ADGRL3: variants seen among roughly 807,000 people sequenced by gnomAD.
ADGRL3 encodes the protein calcium-independent alpha-latrotoxin receptor 3.
Under a neutral mutation model 153.5 loss-of-function variants are expected in ADGRL3, and 62 were observed. That is an observed-to-expected ratio of 0.40 (90% CI 0.33 to 0.50). ADGRL3 has a LOEUF of 0.50. ADGRL3 is among the 20% of genes least tolerant of loss of function. The pLI is 0.47. For missense variants in ADGRL3, 1,641 were observed against 1,859.4 expected (o/e 0.88, Z 2.16); for synonymous variants, 710 against 672.5 (o/e 1.06, Z -0.86).
At chr4:61,515,142 T>A (rs2098485300) in intron 3 of ADGRL3, among the ~76,000 whole-genome samples, 1 of 152,162 alleles carries the variant, frequency 6.6e-6, no homozygotes, top group South Asian at 2.1e-4. Context: ...TGGATGTTGC[T>A]TGCCTCTCTG....
intron 8 of ADGRL3, among the ~76,000 whole-genome samples, chr4:61,785,692 A>G (rs1464501449): frequency 1.3e-5 from 2 of 152,208 alleles, no homozygotes; most frequent in African/African-American, 4.8e-5. Flanking sequence ...AAAGCTCATC[A>G]ATGCAGTGCT....
At position 61,960,780 on chromosome 4, in the gene ADGRL3, G is replaced by A. The variant is rs550864858; in HGVS notation, c.2805+12504G>A. Among the ~76,000 whole-genome samples the A allele has an allele frequency of 1.9e-4, 29 of 152,026 alleles. 1 individual carries two copies. The South Asian group carries it at 5.4e-3, about 28-fold the overall frequency. On this transcript the variant is annotated intron_variant, in intron 17 of 26. Transcript: ENST00000683033. ...GGCTGGAATGCAGTGGCACAATCTCGGCTCACTGCAAGCTCCGCCTCCCAG... is the reference window on the plus strand; with the variant it reads ...GGCTGGAATGCAGTGGCACAATCTCAGCTCACTGCAAGCTCCGCCTCCCAG...
At chr4:61,905,681 G>A (rs1193587198) in intron 11 of ADGRL3, among the ~76,000 whole-genome samples, 1 of 152,090 alleles carries the variant, frequency 6.6e-6, no homozygotes, top group East Asian at 1.9e-4. Flanking sequence ...GATGGCTTGA[G>A]ATCAGGAGTT....
intron 8 of ADGRL3, among the ~76,000 whole-genome samples, chr4:61,781,805 C>A (rs750678402): frequency 6.6e-6 from 1 of 151,986 alleles, no homozygotes; most frequent in Admixed American, 6.6e-5. Flanking sequence ...AATATGAATC[C>A]GTTTCTTGTT....
intron 1 of ADGRL3, among the ~76,000 whole-genome samples, chr4:61,299,797 TAATA>T (rs1440277567): frequency 1.3e-5 from 2 of 152,180 alleles, no homozygotes; most frequent in Non-Finnish European, 2.9e-5. Context: ...GGCAAAAGCT[TAATA>T]ATTAACAGTT....
chr4:61,864,866 G>A (rs924033141), intron 9 of ADGRL3, among the ~76,000 whole-genome samples: 4 of 152,198 alleles, frequency 2.6e-5, no homozygotes, highest in Non-Finnish European at 4.4e-5. Context: ...TTGTGAAGCT[G>A]TGGAACTAAA....
At chr4:62,025,593 G>A (rs1316073626) in intron 21 of ADGRL3, among the ~76,000 whole-genome samples, 1 of 151,982 alleles carries the variant, frequency 6.6e-6, no homozygotes, top group Non-Finnish European at 1.5e-5. Flanking sequence ...TCAGTTTGGA[G>A]GCCTCGTTGT....
chr4:61,847,010 C>A (rs1366820765), intron 9 of ADGRL3, among the ~76,000 whole-genome samples: 1 of 145,412 alleles, frequency 6.9e-6, no homozygotes, highest in Admixed American at 6.8e-5. Flanking sequence ...ATTAGAGGGG[C>A]AGATCCATGA....
chr4:62,024,852 C>T (rs1407568096), intron 21 of ADGRL3, among the ~76,000 whole-genome samples: 3 of 151,320 alleles, frequency 2.0e-5, no homozygotes, highest in African/African-American at 7.3e-5. Flanking sequence ...ATCGTGTGAA[C>T]CCGGGAGGTG....
chr4:61,904,582 TAA>T (rs1454655151), intron 11 of ADGRL3, among the ~76,000 whole-genome samples: 1 of 152,158 alleles, frequency 6.6e-6, no homozygotes, highest in East Asian at 1.9e-4. Flanking sequence ...AATTTTTATA[TAA>T]GAGAATTGCA....
In ADGRL3 at chr4:61,996,391, A is replaced by T. The variant is rs1012262045; in HGVS notation, c.3303+34A>T. On this transcript the variant is annotated intron_variant, in intron 20 of 26. Coordinates refer to ENST00000683033, the MANE Select transcript of ADGRL3 (RefSeq NM_001387552.1). The stretch of plus-strand genomic sequence containing the variant: ...TCCTAATTAACTATGTGTTTCCCAG[A>T]TCAAGAAGTAAAACTTTCACTATCC... The T allele has an allele frequency of 3.4e-6, 5 of 1,471,242 alleles. No homozygotes were observed. The African/African-American group carries it at 6.9e-5, about 20-fold the overall frequency. 91.1% of individuals were successfully genotyped at this position (1,471,242 alleles called of 1,614,324 possible). A position where few individuals can be genotyped will look rare whatever the true frequency, so the allele number is the denominator to read the frequency against.
chr4:61,422,683 C>A (rs1483049745), intron 2 of ADGRL3, among the ~76,000 whole-genome samples: 4 of 151,800 alleles, frequency 2.6e-5, no homozygotes, highest in African/African-American at 9.7e-5. Flanking sequence ...TTAGTAACAC[C>A]CTGCTTGGGG....
At chr4:61,234,523 G>A (rs1159052491) in intron 1 of ADGRL3, among the ~76,000 whole-genome samples, 3 of 152,098 alleles carry the variant, frequency 2.0e-5, no homozygotes, top group Non-Finnish European at 4.4e-5. Flanking sequence ...TAAATTTCTA[G>A]GAGGAAGCAG....
intron 2 of ADGRL3, among the ~76,000 whole-genome samples, chr4:61,441,875 A>C (rs950512658): frequency 6.6e-6 from 1 of 152,212 alleles, no homozygotes; most frequent in Non-Finnish European, 1.5e-5. Context: ...CAAAGAATTA[A>C]TATTTTATGC....
chr4:61,980,674 C>A (rs981798927), intron 18 of ADGRL3, among the ~76,000 whole-genome samples: 1 of 152,082 alleles, frequency 6.6e-6, no homozygotes, highest in Non-Finnish European at 1.5e-5. Context: ...ATCCTGGATT[C>A]AATCGATCCA....
At chr4:61,278,288 CT>C (rs2093571451) in intron 1 of ADGRL3, among the ~76,000 whole-genome samples, 1 of 152,104 alleles carries the variant, frequency 6.6e-6, no homozygotes, top group Admixed American at 6.5e-5. Context: ...AAAAATATTT[CT>C]TTTTTCCTCA....
rs535537274 is a variant in ADGRL3 at position 61,248,900 on chromosome 4, G to A, written c.-240+47135G>A. Among the ~76,000 whole-genome samples the A allele has an allele frequency of 2.6e-4, 40 of 152,244 alleles. No individual in the cohort carries two copies. In the South Asian group the frequency reaches 7.3e-3, roughly 28 times the overall value. ...CTCGTTTTCCTTTATCTGTCACTAC[G>A]TAAATAATAGGTCGAATTTCTTGGA... On this transcript the variant is annotated intron_variant, in intron 1 of 26. Transcript: ENST00000683033.
chr4:61,393,040 TC>T (rs1284749403), intron 2 of ADGRL3, among the ~76,000 whole-genome samples: 7 of 152,254 alleles, frequency 4.6e-5, no homozygotes, highest in Middle Eastern at 3.4e-3. Context: ...GATAAGGTTC[TC>T]TTCATTCTAA....
chr4:61,660,841 C>G (rs988671053), intron 5 of ADGRL3, among the ~76,000 whole-genome samples: 1 of 152,024 alleles, frequency 6.6e-6, no homozygotes, highest in African/African-American at 2.4e-5. Flanking sequence ...ACTTGGTTGC[C>G]TGTGTAATCA....
Sources: gnomAD v4.1 joint callset for allele counts (sites outside exome capture counted in the v4.1 genomes callset) on GRCh38, gnomAD v4.1.1 for gene constraint, MANE v1.5 for transcripts, NCBI Gene and HGNC (gene_info 2026-07-23, HGNC 2026-07-21) for gene names.